BLTP1: variants seen among roughly 807,000 people sequenced by gnomAD.
BLTP1 encodes the protein bridge-like lipid transfer protein family member 1, also known as fragile site-associated protein.
the BLTP1 span, chr4:122,224,573 A>G: frequency 1.9e-5 from 31 of 1,613,808 alleles, 1 homozygote; most frequent in Admixed American, 4.3e-4. Context: ...AGCACACGCT[A>G]TGTTCTCAGC....
At chr4:122,273,284 T>C in the BLTP1 span, 1 of 980,222 alleles carries the variant, frequency 1.0e-6, no homozygotes, top group Non-Finnish European at 1.2e-6. Flanking sequence ...ACCCTAAACA[T>C]TTATTATTTA....
the BLTP1 span, chr4:122,214,505 G>A: frequency 1.1e-6 from 1 of 934,818 alleles, no homozygotes; most frequent in Non-Finnish European, 1.3e-6. Flanking sequence ...GTAAATATTT[G>A]TGTACATTTA....
At chr4:122,224,143 C>T in the BLTP1 span, 1 of 932,098 alleles carries the variant, frequency 1.1e-6, no homozygotes, top group Non-Finnish European at 1.3e-6. Flanking sequence ...ATATTTTAAT[C>T]TCATGATTCT....
chr4:122,210,015 C>T, the BLTP1 span: 1 of 1,483,746 alleles, frequency 6.7e-7, no homozygotes, highest in Non-Finnish European at 9.1e-7. Flanking sequence ...TGAAATGCAT[C>T]TATTCTTGTG....
At chr4:122,238,685 G>A in the BLTP1 span, among the ~76,000 whole-genome samples, 6 of 152,228 alleles carry the variant, frequency 3.9e-5, no homozygotes, top group South Asian at 1.2e-3. Flanking sequence ...CACCTTAATA[G>A]TTGGCCACTC....
the BLTP1 span, among the ~76,000 whole-genome samples, chr4:122,329,094 T>C: frequency 6.6e-6 from 1 of 151,780 alleles, no homozygotes; most frequent in Non-Finnish European, 1.5e-5. Flanking sequence ...ATCCCATACA[T>C]CAGCATATTT....
At chr4:122,270,989 C>T in the BLTP1 span, 49 of 1,535,048 alleles carry the variant, frequency 3.2e-5, no homozygotes, top group South Asian at 3.5e-4. Flanking sequence ...GAAGAAAAAC[C>T]GTGTCCTTTT....
the BLTP1 span, among the ~76,000 whole-genome samples, chr4:122,216,227 A>G: frequency 6.6e-6 from 1 of 152,022 alleles, no homozygotes; most frequent in Non-Finnish European, 1.5e-5. Flanking sequence ...CGCTTCTATG[A>G]ACATGTGTGT....
At chr4:122,190,816 G>T in the BLTP1 span, among the ~76,000 whole-genome samples, 2 of 151,868 alleles carry the variant, frequency 1.3e-5, no homozygotes, top group Non-Finnish European at 2.9e-5. Context: ...CTAAACATTG[G>T]GTTTTAAGCT....
At chr4:122,186,329 A>G in the BLTP1 span, 2 of 626,796 alleles carry the variant, frequency 3.2e-6, no homozygotes, top group African/African-American at 3.9e-5. Context: ...ATTTCTTTGC[A>G]AATTAACTGA....
At chr4:122,279,188 G>C in the BLTP1 span, among the ~76,000 whole-genome samples, 1 of 152,138 alleles carries the variant, frequency 6.6e-6, no homozygotes, top group Non-Finnish European at 1.5e-5. Context: ...TGATTTTTTA[G>C]TCAGAATTGT....
At chr4:122,290,470 A>G in the BLTP1 span, among the ~76,000 whole-genome samples, 1 of 152,014 alleles carries the variant, frequency 6.6e-6, no homozygotes, top group African/African-American at 2.4e-5. Flanking sequence ...GTTCTAAAGA[A>G]TACTTTCAAG....
the BLTP1 span, among the ~76,000 whole-genome samples, chr4:122,160,745 G>T: frequency 6.6e-5 from 10 of 152,120 alleles, no homozygotes; most frequent in Non-Finnish European, 1.5e-4. Context: ...ATCTCCTTAG[G>T]CCATGGCAAA....
chr4:122,305,236 A>G, the BLTP1 span: 1 of 980,316 alleles, frequency 1.0e-6, no homozygotes, highest in Non-Finnish European at 1.2e-6. Context: ...ATTTGCTTGT[A>G]ATTTTTTTTA....
At chr4:122,238,163 C>G in the BLTP1 span, 1 of 1,613,940 alleles carries the variant, frequency 6.2e-7, no homozygotes, top group Non-Finnish European at 8.5e-7. Context: ...GAGAAAAACT[C>G]AGCACCTTAG....
At chr4:122,354,553 G>T in the BLTP1 span, among the ~76,000 whole-genome samples, 1 of 151,504 alleles carries the variant, frequency 6.6e-6, no homozygotes, top group East Asian at 1.9e-4. Context: ...GGTGCTTTTG[G>T]GATTTGGGTT....
At chr4:122,220,612 TG>T in the BLTP1 span, 2 of 675,804 alleles carry the variant, frequency 3.0e-6, no homozygotes, top group South Asian at 2.0e-5. Context: ...TAAGAAGTTT[TG>T]TATGTATGTT....
At chr4:122,254,413 G>GT in the BLTP1 span, 1 of 1,386,788 alleles carries the variant, frequency 7.2e-7, no homozygotes, top group African/African-American at 1.5e-5. Context: ...ATACAATTCT[G>GT]TTTCATATTT....
the BLTP1 span, chr4:122,293,282 G>T: frequency 1.8e-6 from 1 of 557,938 alleles, no homozygotes; most frequent in African/African-American, 2.0e-5. Context: ...TCACACAGAG[G>T]AATGAAAATG....
Sources: gnomAD v4.1 joint callset for allele counts (sites outside exome capture counted in the v4.1 genomes callset) on GRCh38, gnomAD v4.1.1 for gene constraint, MANE v1.5 for transcripts, NCBI Gene and HGNC (gene_info 2026-07-23, HGNC 2026-07-21) for gene names.